The following PRPF18 variants were observed in gnomAD, a reference collection of about 807,000 sequenced individuals.
PRPF18 encodes pre-mRNA-splicing factor 18.
In PRPF18, 38 loss-of-function variants were observed where a neutral mutation model predicts 46.5. That is an observed-to-expected ratio of 0.82 (90% confidence interval 0.63 to 1.07). PRPF18 has a LOEUF of 1.07. Ranked by LOEUF, PRPF18 falls within the 50% of genes least tolerant of loss-of-function variation. PRPF18 has a pLI of 0.00. For synonymous variants in PRPF18, 152 were observed against 146.7 expected (o/e 1.04, Z -0.26); for missense variants, 263 against 410.0 (o/e 0.64, Z 3.10).
chr10:13,618,812 A>G (rs761224878), intron 9 of PRPF18, among the ~76,000 whole-genome samples: 1 of 152,186 alleles, frequency 6.6e-6, no homozygotes. Flanking sequence ...TGCTAATTGA[A>G]TGAATTCATG....
At chr10:13,596,658 A>T (rs1312133660) in intron 1 of PRPF18, among the ~76,000 whole-genome samples, 1 of 152,212 alleles carries the variant, frequency 6.6e-6, no homozygotes, top group African/African-American at 2.4e-5. Flanking sequence ...AACAATAAGG[A>T]TAATTTTATG....
the PRPF18 span, among the ~76,000 whole-genome samples, chr10:13,637,386 A>G: frequency 6.6e-6 from 1 of 152,282 alleles, no homozygotes; most frequent in African/African-American, 2.4e-5. Context: ...TCATAATGGT[A>G]TCACGTTGTG....
At chr10:13,600,411 G>C (rs1382132074) in intron 3 of PRPF18, 63 bp downstream of exon 3, 18 of 1,258,898 alleles carry the variant, frequency 1.4e-5, no homozygotes, top group Admixed American at 8.9e-5. Flanking sequence ...TTTATCTCCA[G>C]CTTTTCCAAT....
At chr10:13,652,936 T>TGGGGAAA in the PRPF18 span, 1 of 151,806 alleles carries the variant, frequency 6.6e-6, no homozygotes, top group African/African-American at 2.4e-5. Context: ...ACCGGTATAG[T>TGGGGAAA]GGGGAAAGAC....
intron 1 of PRPF18, among the ~76,000 whole-genome samples, chr10:13,593,458 G>T (rs1250935075): frequency 6.6e-6 from 1 of 152,204 alleles, no homozygotes; most frequent in Non-Finnish European, 1.5e-5. Flanking sequence ...CAGAATGGAT[G>T]TCCACATGCT....
At chr10:13,648,694 G>C in the PRPF18 span, 1 of 152,172 alleles carries the variant, frequency 6.6e-6, no homozygotes. Context: ...CAGTGACATC[G>C]GCTGGTACAC....
intron 3 of PRPF18, among the ~76,000 whole-genome samples, chr10:13,603,930 A>T (rs1039028871): frequency 1.3e-5 from 2 of 152,236 alleles, no homozygotes; most frequent in Non-Finnish European, 2.9e-5. Context: ...TAAAAATCCA[A>T]TGAAAGTAGC....
chr10:13,623,179 T>C (rs2080445054), intron 9 of PRPF18, among the ~76,000 whole-genome samples: 1 of 151,514 alleles, frequency 6.6e-6, no homozygotes, highest in African/African-American at 2.4e-5. Flanking sequence ...CCAGCCTGGG[T>C]GACAGCGCGA....
downstream of PRPF18, among the ~76,000 whole-genome samples, chr10:13,634,204 A>G (rs1367140272): frequency 6.6e-6 from 1 of 152,264 alleles, no homozygotes; most frequent in African/African-American, 2.4e-5. Flanking sequence ...TTTTTCCCCC[A>G]TTGTAAACTT....
chr10:13,610,275 A>C (rs778119861), intron 5 of PRPF18, 90 bp downstream of exon 5: 1 of 1,379,216 alleles, frequency 7.3e-7, no homozygotes, highest in Non-Finnish European at 9.8e-7. Flanking sequence ...TTGAGGGCAG[A>C]GCACACTGTT....
At chr10:13,604,117 C>T (rs538963229) in intron 3 of PRPF18, among the ~76,000 whole-genome samples, 2 of 152,278 alleles carry the variant, frequency 1.3e-5, no homozygotes, top group African/African-American at 4.8e-5. Flanking sequence ...AGCCAGGGAT[C>T]TGACAAGGGT....
chr10:13,626,218 C>T (rs544915389), intron 9 of PRPF18, among the ~76,000 whole-genome samples: 4 of 152,272 alleles, frequency 2.6e-5, no homozygotes, highest in African/African-American at 9.6e-5. Context: ...GCAGGGATGT[C>T]ATGCTCCAGG....
the PRPF18 span, chr10:13,655,861 G>C: frequency 6.6e-6 from 1 of 152,130 alleles, no homozygotes; most frequent in African/African-American, 2.4e-5. Context: ...AGCCAGTGCT[G>C]AGACCGGAGC....
the PRPF18 span, among the ~76,000 whole-genome samples, chr10:13,650,375 T>C: frequency 1.3e-5 from 2 of 152,152 alleles, no homozygotes; most frequent in Non-Finnish European, 2.9e-5. Flanking sequence ...CTCAGTATAA[T>C]GTATGTGTGT....
intron 4 of PRPF18, 64 bp downstream of exon 4, chr10:13,605,808 C>T: frequency 6.7e-7 from 1 of 1,498,066 alleles, no homozygotes; most frequent in Non-Finnish European, 8.9e-7. Flanking sequence ...TAGAGTTTGA[C>T]TAATTGCATT....
intron 1 of PRPF18, among the ~76,000 whole-genome samples, chr10:13,595,234 A>T (rs2080016828): frequency 1.3e-5 from 2 of 152,098 alleles, no homozygotes; most frequent in African/African-American, 4.8e-5. Flanking sequence ...AATAAATTTG[A>T]CCTTGCAAAA....
At chr10:13,607,679 C>T (rs1237689038) in intron 4 of PRPF18, among the ~76,000 whole-genome samples, 4 of 152,208 alleles carry the variant, frequency 2.6e-5, no homozygotes, top group Non-Finnish European at 5.9e-5. Flanking sequence ...CCGAAGTGCC[C>T]GGGCCAGAAG....
chr10:13,608,573 T>G (rs2080224064), intron 4 of PRPF18, among the ~76,000 whole-genome samples: 1 of 152,260 alleles, frequency 6.6e-6, no homozygotes, highest in Admixed American at 6.5e-5. Flanking sequence ...GAAATCTTGT[T>G]TTTATACTTT....
chr10:13,633,740 G>C (rs554816577), downstream of PRPF18, among the ~76,000 whole-genome samples: 11 of 152,250 alleles, frequency 7.2e-5, no homozygotes, highest in South Asian at 1.9e-3. Context: ...CCTTCCCCCA[G>C]TATACTCCCA....
Sources: allele counts gnomAD v4.1 joint callset (sites outside exome capture counted in the v4.1 genomes callset), GRCh38; gene constraint gnomAD v4.1.1; transcripts MANE v1.5; gene names NCBI Gene and HGNC (gene_info 2026-07-23, HGNC 2026-07-21).